YY1AP1: variants seen among roughly 807,000 people sequenced by gnomAD.
YY1AP1 encodes YY1 associated protein 1, also known as YY1-associated protein 1.
YY1AP1 carries 43 observed loss-of-function variants against 39.9 expected under a neutral mutation model. That is an observed-to-expected ratio of 1.08 (90% CI 0.84 to 1.39). The LOEUF is 1.39. YY1AP1 is among the 40% of genes most tolerant of loss of function. YY1AP1 has a pLI of 0.00. For missense variants in YY1AP1, 813 were observed against 900.7 expected (o/e 0.90, Z 1.25); for synonymous variants, 292 against 331.3 (o/e 0.88, Z 1.29).
chr1:155,677,808 G>C (rs572951015), intron 4 of YY1AP1, among the ~76,000 whole-genome samples: 90 of 152,274 alleles, frequency 5.9e-4, no homozygotes, highest in Middle Eastern at 3.4e-3. Context: ...TAAAAAAGTA[G>C]AAAATGGAAA....
At chr1:155,672,151 G>A in intron 7 of YY1AP1, 1 of 285,504 alleles carries the variant, frequency 3.5e-6, no homozygotes, top group African/African-American at 2.2e-5. Context: ...CAATCATTAT[G>A]GTAAATAAAG....
chr1:155,676,377 T>C (rs1010286251), intron 5 of YY1AP1, among the ~76,000 whole-genome samples, 171 bp downstream of exon 5: 18 of 152,182 alleles, frequency 1.2e-4, no homozygotes, highest in Admixed American at 2.0e-4. Flanking sequence ...CCACAGGACA[T>C]GAACATGATG....
chr1:155,688,118 G>A lies in YY1AP1; in HGVS notation c.-68C>T, dbSNP rs756862707. 1.2e-6 allele frequency: 2 copies of A among 1,611,422 alleles called. No homozygotes were observed. The highest frequency in any genetic ancestry group is 4.5e-5 in the East Asian group (2 of 44,836). On this transcript the variant is annotated 5_prime_UTR_variant, in exon 2 of 11. Coordinates refer to ENST00000355499, the MANE Select transcript of YY1AP1 (RefSeq NM_139119.3). ...GAGAGTACAGGGAAGTGAGGAAGAGGGGGTGGCCGCCAGGCTCCTCCGCTT... is the reference window on the plus strand; with the variant it reads ...GAGAGTACAGGGAAGTGAGGAAGAGAGGGTGGCCGCCAGGCTCCTCCGCTT...
intron 9 of YY1AP1, among the ~76,000 whole-genome samples, chr1:155,665,746 G>A (rs531276893): frequency 3.6e-5 from 5 of 137,204 alleles, no homozygotes; most frequent in African/African-American, 5.6e-5. Context: ...GCAGTGAGCC[G>A]AGATCCAGCC....
At chr1:155,663,369 CAAA>C (rs59153587) in intron 9 of YY1AP1, among the ~76,000 whole-genome samples, 7 of 115,616 alleles carry the variant, frequency 6.1e-5, no homozygotes, top group Admixed American at 1.8e-4. Flanking sequence ...GACTCCATCT[CAAA>C]AAAAAAAAAA....
intron 3 of YY1AP1, chr1:155,679,746 C>G: frequency 2.0e-6 from 2 of 984,552 alleles, no homozygotes; most frequent in South Asian, 4.7e-5. Flanking sequence ...AAGCACAGAG[C>G]TAGGATAACT....
At position 155,660,532 on chromosome 1, in the gene YY1AP1, A is replaced by G. The variant is rs1558296611; in HGVS notation, c.1378T>C (p.Leu460=). The G allele has an allele frequency of 6.2e-7, 1 of 1,614,148 alleles. No homozygotes were observed. Among genetic ancestry groups the G allele is most frequent in the Admixed American group, 1.7e-5 (1 of 60,012 alleles). The change falls in exon 11 of 11, where the codon TTA becomes CTA. Residue 460 remains leucine (L), a synonymous_variant. Transcript: ENST00000355499. ...IPHPIQPATV[L]QTVPGVPPLG... is the part of the protein sequence containing the mutation. ...GGAGGGACACCTGGAACTGTCTGTA[A>G]AACAGTGGCTGGCTGTATTGGGTGA...
intron 9 of YY1AP1, among the ~76,000 whole-genome samples, chr1:155,663,927 T>C (rs1273810901): frequency 6.6e-6 from 1 of 151,074 alleles, no homozygotes. Context: ...ATAATCCCAT[T>C]ACTTTGGGAG....
At chr1:155,688,781 C>G, upstream of YY1AP1, 1 of 1,538,638 alleles carries the variant, frequency 6.5e-7, no homozygotes, top group Non-Finnish European at 8.7e-7. Flanking sequence ...CTACACTCCT[C>G]GCGCGTGCGC....
chr1:155,683,602 G>A (rs991734844), intron 2 of YY1AP1, among the ~76,000 whole-genome samples: 2 of 152,014 alleles, frequency 1.3e-5, no homozygotes, highest in East Asian at 1.9e-4. Flanking sequence ...GCTACAGTGA[G>A]TCAAAATCCT....
intron 2 of YY1AP1, among the ~76,000 whole-genome samples, chr1:155,681,718 A>G (rs1156749201): frequency 2.0e-5 from 3 of 152,242 alleles, no homozygotes; most frequent in Non-Finnish European, 4.4e-5. Flanking sequence ...ACAAATCTGT[A>G]GATGATGTAA....
rs1311455755 is a variant in YY1AP1, at chr1:155,661,163, TA to T, written c.996+143del. On this transcript the variant is annotated intron_variant, in intron 10 of 10. Transcript: ENST00000355499. ...AATCACCCGGAGAAGGGCAGAAAAG[TA>T]AGGGAAGAAAGGTGAATCAGGAAGA... The T allele has an allele frequency of 1.5e-5, 23 of 1,584,492 alleles. No individual in the cohort carries two copies. In the South Asian group the frequency reaches 1.6e-4, roughly 11 times the overall value.
intron 6 of YY1AP1, among the ~76,000 whole-genome samples, chr1:155,674,260 GATA>G (rs1650306777): frequency 6.6e-6 from 1 of 151,236 alleles, no homozygotes; most frequent in Non-Finnish European, 1.5e-5. Flanking sequence ...TTCATGAATG[GATA>G]ATGAATTCAA....
At position 155,672,537 on chromosome 1, in the gene YY1AP1, A is replaced by C. The variant is rs1558307853; in HGVS notation, c.583+23T>G. ...ACCTCTCACCGCAAGTAAAAACTTA[A>C]AGCTGACACATCTGTCTCCTACCAG... On this transcript the variant is annotated intron_variant, in intron 7 of 10. Transcript: ENST00000355499. 1 of 1,605,518 alleles carries C rather than the reference A, an allele frequency of 6.2e-7. No homozygotes were observed. The highest frequency in any genetic ancestry group is 8.5e-7 in the Non-Finnish European group (1 of 1,173,510).
Position 155,660,798 on chromosome 1 carries a change from T to C in YY1AP1, c.1112A>G (p.Asn371Ser), listed in dbSNP as rs148765713. Reference sequence around the variant, plus strand: ...CCGAGTTTCACTCCCCAACTCTGAGTTGTCTTTTTCTAGGCCTTGATCTGA... The same window carrying C: ...CCGAGTTTCACTCCCCAACTCTGAGCTGTCTTTTTCTAGGCCTTGATCTGA... ...INSDQGLEKD[N>S]SELGSETRYP... The change falls in exon 11 of 11, where the codon AAC becomes AGC. Residue 371 changes from asparagine (N) to serine (S), a missense_variant. This residue lies in a region of YY1AP1 where 586 missense variants were observed against 647.4 expected (regional missense o/e 0.91). Coordinates refer to ENST00000355499, the MANE Select transcript of YY1AP1 (RefSeq NM_139119.3). 8.7e-6 allele frequency: 14 copies of C among 1,614,032 alleles called. No individual in the cohort carries two copies. The African/African-American group carries it at 9.3e-5, about 11-fold the overall frequency.
intron 1 of YY1AP1, 170 bp downstream of exon 1, chr1:155,688,489 C>T (rs993043963): frequency 1.3e-6 from 2 of 1,549,364 alleles, no homozygotes; most frequent in Admixed American, 3.9e-5. Flanking sequence ...AGCCCGCACG[C>T]GTACGAGTGT....
chr1:155,679,157 C>T (rs1651151656), intron 4 of YY1AP1: 19 of 1,433,418 alleles, frequency 1.3e-5, no homozygotes, highest in Non-Finnish European at 1.7e-5. Context: ...GCACCACTCA[C>T]CCGGAGAAGT....
chr1:155,685,760 C>G (rs1652125181), intron 2 of YY1AP1, among the ~76,000 whole-genome samples: 1 of 152,132 alleles, frequency 6.6e-6, no homozygotes, highest in South Asian at 2.1e-4. Flanking sequence ...TAAATTGGCT[C>G]TATTTCATTA....
At position 155,668,692 on chromosome 1, in the gene YY1AP1, C is replaced by T; in HGVS notation, c.814G>A (p.Ala272Thr). The change falls in exon 9 of 11, where the codon GCC becomes ACC. Residue 272 changes from alanine (A) to threonine (T), a missense_variant. This residue lies in a region of YY1AP1 where 586 missense variants were observed against 647.4 expected (regional missense o/e 0.91). Transcript: ENST00000355499. ...TTGATTCTCACTGTCAGTTGGCGGGCAGTCTTGCAGGTTAGAAGGTACTTG... is the reference window on the plus strand; with the variant it reads ...TTGATTCTCACTGTCAGTTGGCGGGTAGTCTTGCAGGTTAGAAGGTACTTG... ...ISKYLLTCKT[A>T]RQLTVRIKNL... The T allele has an allele frequency of 6.2e-7, 1 of 1,614,174 alleles. No homozygotes were observed. The highest frequency in any genetic ancestry group is 8.5e-7 in the Non-Finnish European group (1 of 1,180,036).
Sources: allele counts gnomAD v4.1 joint callset (sites outside exome capture counted in the v4.1 genomes callset), GRCh38; gene constraint gnomAD v4.1.1; regional missense constraint gnomAD v4.1.1; transcripts MANE v1.5; gene names NCBI Gene and HGNC (gene_info 2026-07-23, HGNC 2026-07-21).